UBE2G1: variants seen among roughly 807,000 people sequenced by gnomAD.
UBE2G1 encodes the protein ubiquitin-conjugating enzyme E2 G1.
UBE2G1 carries 5 observed loss-of-function variants against 22.7 expected under a neutral mutation model. The ratio of observed to expected loss-of-function variants is 0.22; its 90% CI spans 0.12 to 0.46. UBE2G1 has a LOEUF of 0.46. Among genes scored for constraint, UBE2G1 ranks in the 20% least tolerant of loss-of-function variants. The pLI, the probability that UBE2G1 is intolerant of heterozygous loss-of-function variation, is 0.99. For missense variants in UBE2G1, 88 were observed against 203.9 expected, an observed-to-expected ratio of 0.43 and a Z score of 3.46; for synonymous variants, 74 against 67.5, an observed-to-expected ratio of 1.10 and a Z score of -0.47.
chr17:4,284,829 CTTTTCTTTCTTTTT>C (rs1567514901), intron 4 of UBE2G1, among the ~76,000 whole-genome samples: 1,785 of 67,804 alleles, frequency 0.026, 62 homozygotes, highest in East Asian at 0.21. Context: ...CTTTTCTTTT[CTTTTCTTTCTTTTT>C]TTTTTTTTTT....
intron 1 of UBE2G1, among the ~76,000 whole-genome samples, chr17:4,321,597 A>C (rs565335799): frequency 8.1e-4 from 123 of 152,148 alleles, no homozygotes; most frequent in African/African-American, 2.7e-3. Flanking sequence ...GGCTCAAGCA[A>C]TCCTCCCACC....
In UBE2G1 at chr17:4,269,998, A is replaced by G. The variant is rs1448413502; in HGVS notation, c.*2556T>C. ...CAGATGAACACTGAGAAAGGCACAG[A>G]TGACATCTCCGACAGAGGAAGGGAA... On this transcript the variant is annotated 3_prime_UTR_variant, in exon 6 of 6. Transcript: ENST00000396981. The G allele has an allele frequency of 6.6e-6, 1 of 152,622 alleles. No individual in the cohort carries two copies. The highest frequency in any genetic ancestry group is 1.5e-5 in the Non-Finnish European group (1 of 68,044). The allele number at this position is 152,622 out of a possible 1,614,324, so 9.5% of individuals were successfully genotyped here. A position where few individuals can be genotyped will look rare whatever the true frequency, so the allele number is the denominator to read the frequency against.
At chr17:4,293,561 A>G (rs1407431990) in intron 3 of UBE2G1, among the ~76,000 whole-genome samples, 1 of 152,176 alleles carries the variant, frequency 6.6e-6, no homozygotes, top group Non-Finnish European at 1.5e-5. Context: ...GCAGGGTCCT[A>G]TGGTAACTAT....
At position 4,366,618 on chromosome 17, in the gene UBE2G1, C is replaced by T. The variant is rs1165387000; in HGVS notation, c.-302G>A. 2 of 314,588 alleles carry T rather than the reference C, an allele frequency of 6.4e-6. No homozygotes were observed. Among genetic ancestry groups the T allele is most frequent in the East Asian group, 5.4e-5 (1 of 18,514 alleles). 19.5% of individuals were successfully genotyped at this position (314,588 alleles called of 1,614,324 possible). Reference sequence around the variant, plus strand: ...ACCCGCCCGTCGGCCCCACCGGTGCCTTCCCCCGCCACTGCCTCACTGCGC... The same window carrying T: ...ACCCGCCCGTCGGCCCCACCGGTGCTTTCCCCCGCCACTGCCTCACTGCGC... On this transcript the variant is annotated 5_prime_UTR_variant, in exon 1 of 6. Coordinates refer to ENST00000396981, the MANE Select transcript of UBE2G1 (RefSeq NM_003342.5).
chr17:4,352,212 T>C (rs1597265922), intron 1 of UBE2G1, among the ~76,000 whole-genome samples: 1 of 152,184 alleles, frequency 6.6e-6, no homozygotes, highest in Admixed American at 6.5e-5. Flanking sequence ...TTTATATTCA[T>C]TCTCTATGTA....
intron 1 of UBE2G1, among the ~76,000 whole-genome samples, chr17:4,337,070 A>C (rs1303374664): frequency 6.6e-6 from 1 of 152,182 alleles, no homozygotes; most frequent in Non-Finnish European, 1.5e-5. Flanking sequence ...TACTTCAAGT[A>C]ATTGAATGGA....
intron 5 of UBE2G1, 141 bp downstream of exon 5, chr17:4,282,657 T>G (rs1968909101): frequency 3.4e-6 from 2 of 583,226 alleles, no homozygotes; most frequent in African/African-American, 3.7e-5. Flanking sequence ...ACAGTAGTTT[T>G]GAGAACGAGA....
At chr17:4,306,138 C>T (rs949934816) in intron 2 of UBE2G1, among the ~76,000 whole-genome samples, 1 of 152,208 alleles carries the variant, frequency 6.6e-6, no homozygotes, top group African/African-American at 2.4e-5. Flanking sequence ...CACCTAGATT[C>T]TAACCAGTAT....
intron 1 of UBE2G1, among the ~76,000 whole-genome samples, chr17:4,328,164 T>G (rs771628625): frequency 6.6e-6 from 1 of 152,180 alleles, no homozygotes; most frequent in Admixed American, 6.5e-5. Context: ...TTTCAGAGAA[T>G]GGAAACTCAA....
chr17:4,338,501 A>G (rs2143791593), intron 1 of UBE2G1, among the ~76,000 whole-genome samples: 1 of 152,348 alleles, frequency 6.6e-6, no homozygotes, highest in South Asian at 2.1e-4. Context: ...TACCAGTCCC[A>G]GACATTTTCA....
chr17:4,299,410 A>C (rs1025592241), intron 2 of UBE2G1, among the ~76,000 whole-genome samples: 1 of 152,128 alleles, frequency 6.6e-6, no homozygotes, highest in Non-Finnish European at 1.5e-5. Flanking sequence ...ACAACAACAA[A>C]AAAAGAGTCA....
At chr17:4,305,226 G>A (rs994265547) in intron 2 of UBE2G1, among the ~76,000 whole-genome samples, 3 of 152,028 alleles carry the variant, frequency 2.0e-5, no homozygotes, top group South Asian at 2.1e-4. Context: ...GAGCCACTAC[G>A]CCCGGCCGAC....
At chr17:4,329,640 A>G (rs1162848336) in intron 1 of UBE2G1, among the ~76,000 whole-genome samples, 1 of 152,064 alleles carries the variant, frequency 6.6e-6, no homozygotes. Flanking sequence ...GGACTTTAAT[A>G]TATTTAAAAT....
At chr17:4,294,723 C>A (rs1969087775) in intron 3 of UBE2G1, among the ~76,000 whole-genome samples, 1 of 151,890 alleles carries the variant, frequency 6.6e-6, no homozygotes, top group Non-Finnish European at 1.5e-5. Flanking sequence ...ACCTGCCTGG[C>A]CAACAACATG....
intron 1 of UBE2G1, among the ~76,000 whole-genome samples, chr17:4,323,178 G>A (rs923916016): frequency 6.6e-6 from 1 of 152,188 alleles, no homozygotes; most frequent in African/African-American, 2.4e-5. Flanking sequence ...GCCATCTTGT[G>A]CTTTGGTAAG....
intron 1 of UBE2G1, among the ~76,000 whole-genome samples, chr17:4,357,140 A>C (rs1354911478): frequency 6.6e-6 from 1 of 152,114 alleles, no homozygotes; most frequent in Non-Finnish European, 1.5e-5. Context: ...ATAACAGAAA[A>C]AATAAACAAT....
intron 2 of UBE2G1, among the ~76,000 whole-genome samples, chr17:4,303,698 C>T (rs1969216223): frequency 6.6e-6 from 1 of 152,206 alleles, no homozygotes; most frequent in Non-Finnish European, 1.5e-5. Context: ...GCCTCTATGT[C>T]TCACACAGGA....
intron 4 of UBE2G1, among the ~76,000 whole-genome samples, chr17:4,288,096 T>C (rs28667146): frequency 0.064 from 9,735 of 152,224 alleles, 1,077 homozygotes; most frequent in African/African-American, 0.22. Flanking sequence ...TCAAACTGTT[T>C]AGGAAAAAAA....
chr17:4,277,647 A>G (rs1166131206), intron 5 of UBE2G1, among the ~76,000 whole-genome samples: 3 of 152,366 alleles, frequency 2.0e-5, no homozygotes, highest in Non-Finnish European at 2.9e-5. Flanking sequence ...TGTGTGGGTC[A>G]TGGACTTGAA....
Sources: gnomAD v4.1 joint callset for allele counts (sites outside exome capture counted in the v4.1 genomes callset) on GRCh38, gnomAD v4.1.1 for gene constraint, MANE v1.5 for transcripts, NCBI Gene and HGNC (gene_info 2026-07-23, HGNC 2026-07-21) for gene names.